Variants in FNDC3B observed in about 807,000 individuals in gnomAD.
The protein encoded by FNDC3B is fibronectin type III domain-containing protein 3B.
In FNDC3B, 12 loss-of-function variants were observed where a neutral mutation model predicts 151.5. That is an observed-to-expected ratio of 0.08 (90% CI 0.05 to 0.13). The LOEUF (loss-of-function observed/expected upper bound fraction) is 0.13, where lower values mean the gene tolerates loss of function less well. Among genes scored for constraint, FNDC3B ranks in the 10% least tolerant of loss-of-function variants. FNDC3B has a pLI of 1.00. For missense variants in FNDC3B, 1,214 were observed against 1,505.3 expected, an observed-to-expected ratio of 0.81 and a Z score of 3.20; for synonymous variants, 528 against 549.0, an observed-to-expected ratio of 0.96 and a Z score of 0.54.
In FNDC3B at chr3:172,251,393, C is replaced by T; in HGVS notation, c.642C>T (p.Tyr214=). 1 of 1,614,088 alleles carries T rather than the reference C, an allele frequency of 6.2e-7. No individual in the cohort carries two copies. The highest frequency in any genetic ancestry group is 8.5e-7 in the Non-Finnish European group (1 of 1,180,006). Residue 214 remains tyrosine, a synonymous_variant, in exon 6 of 26, where the codon TAC becomes TAT. Coordinates refer to ENST00000415807, the MANE Select transcript of FNDC3B (RefSeq NM_022763.4). ...TCAACAGCCCTCCTTCTTCTATCTA[C>T]AAAAGCAGCTGCACAACAGTATACA... is the stretch of plus-strand genomic sequence containing the variant. ...NRLNSPPSSI[Y]KSSCTTVYNG... is the part of the protein sequence containing the mutation.
intron 11 of FNDC3B, 127 bp downstream of exon 11, chr3:172,311,008 T>G (rs1731449538): frequency 1.4e-6 from 1 of 713,418 alleles, no homozygotes; most frequent in South Asian, 1.6e-5. Context: ...GTAGAGAAAT[T>G]TAAATCAATA....
intron 17 of FNDC3B, among the ~76,000 whole-genome samples, chr3:172,342,085 A>G (rs1291236077): frequency 6.6e-6 from 1 of 152,224 alleles, no homozygotes; most frequent in African/African-American, 2.4e-5. Context: ...TTGACTTTTC[A>G]AGAGAATACC....
chr3:172,334,719 G>A (rs1467829043), intron 14 of FNDC3B, among the ~76,000 whole-genome samples: 3 of 152,236 alleles, frequency 2.0e-5, no homozygotes, highest in Non-Finnish European at 2.9e-5. Context: ...TAGGATTACA[G>A]GCGTGAGCCA....
chr3:172,353,136 A>C, intron 22 of FNDC3B, 53 bp downstream of exon 22: 2 of 1,543,938 alleles, frequency 1.3e-6, no homozygotes, highest in Admixed American at 3.5e-5. Context: ...TTGGGGATCT[A>C]AGTAAACCTC....
rs190777580 is a variant in FNDC3B, at chr3:172,399,855, A to G, written c.*2380A>G. On this transcript the variant is annotated 3_prime_UTR_variant, in exon 26 of 26. Coordinates refer to ENST00000415807, the MANE Select transcript of FNDC3B (RefSeq NM_022763.4). Reference sequence around the variant, plus strand: ...GGTTGAATTTTTTTTTTAAGTAAATAGTACTTTAGGCCAAAATTTATATGA... The same window carrying G: ...GGTTGAATTTTTTTTTTAAGTAAATGGTACTTTAGGCCAAAATTTATATGA... 10 of 152,646 alleles carry G rather than the reference A, an allele frequency of 6.6e-5. No homozygotes were observed. The highest frequency in any genetic ancestry group is 5.9e-4 in the Admixed American group (9 of 15,292). The allele number at this position is 152,646 out of a possible 1,614,324, so 9.5% of individuals were successfully genotyped here. A position where few individuals can be genotyped will look rare whatever the true frequency, so the allele number is the denominator to read the frequency against.
intron 4 of FNDC3B, among the ~76,000 whole-genome samples, chr3:172,246,568 G>C (rs1237343574): frequency 6.6e-6 from 1 of 152,184 alleles, no homozygotes; most frequent in Admixed American, 6.5e-5. Flanking sequence ...TGCTGCCTTC[G>C]TTGCTCTACT....
chr3:172,096,807 T>C (rs1719110961), intron 1 of FNDC3B, among the ~76,000 whole-genome samples: 1 of 152,112 alleles, frequency 6.6e-6, no homozygotes, highest in Non-Finnish European at 1.5e-5. Flanking sequence ...AGAGTGAACA[T>C]GTATTATACG....
At chr3:172,247,819 T>A (rs757756291) in intron 5 of FNDC3B, 43 bp downstream of exon 5, 3 of 1,605,672 alleles carry the variant, frequency 1.9e-6, no homozygotes, top group Admixed American at 3.3e-5. Flanking sequence ...TGAAACTGAT[T>A]ACAGCGTTTC....
intron 11 of FNDC3B, chr3:172,321,743 ATTAT>A (rs1295112438): frequency 5.1e-6 from 1 of 197,346 alleles, no homozygotes; most frequent in Non-Finnish European, 9.9e-6. Context: ...TTTTATGTTT[ATTAT>A]TTATTTATTT....
At chr3:172,394,221 T>C (rs1173478300) in intron 25 of FNDC3B, among the ~76,000 whole-genome samples, 1 of 148,802 alleles carries the variant, frequency 6.7e-6, no homozygotes, top group Non-Finnish European at 1.5e-5. Flanking sequence ...CAACGTAACA[T>C]TATACCTCAC....
chr3:172,074,464 A>G (rs1445410093), intron 1 of FNDC3B, among the ~76,000 whole-genome samples: 1 of 152,204 alleles, frequency 6.6e-6, no homozygotes, highest in Admixed American at 6.5e-5. Context: ...ACTTAAAGAC[A>G]TCAGATTAGT....
chr3:172,359,408 A>T (rs888426988), intron 22 of FNDC3B, among the ~76,000 whole-genome samples: 4 of 152,206 alleles, frequency 2.6e-5, no homozygotes, highest in Non-Finnish European at 4.4e-5. Flanking sequence ...GAGCCAGCAG[A>T]TGGCAGAAAG....
At chr3:172,089,977 C>T (rs1195468111) in intron 1 of FNDC3B, among the ~76,000 whole-genome samples, 1 of 152,152 alleles carries the variant, frequency 6.6e-6, no homozygotes, top group Non-Finnish European at 1.5e-5. Context: ...TGATATCTGT[C>T]AGTTGTGATG....
At chr3:172,334,803 T>C in intron 14 of FNDC3B, 141 bp from the exon 15 acceptor site, 1 of 686,694 alleles carries the variant, frequency 1.5e-6, no homozygotes, top group Non-Finnish European at 2.5e-6. Context: ...TAAATACTGT[T>C]AATACTTGAG....
intron 2 of FNDC3B, among the ~76,000 whole-genome samples, chr3:172,123,392 A>AGTTGATAAT (rs1553763685): frequency 1.3e-5 from 2 of 149,136 alleles, no homozygotes; most frequent in Non-Finnish European, 3.0e-5. Flanking sequence ...GAAGTTGATA[A>AGTTGATAAT]TTTTTTTTTT....
chr3:172,203,877 A>G (rs1055051020), intron 3 of FNDC3B, among the ~76,000 whole-genome samples: 1 of 152,190 alleles, frequency 6.6e-6, no homozygotes, highest in African/African-American at 2.4e-5. Context: ...TGTGATTGTG[A>G]ATAGACAGAC....
chr3:172,123,769 T>C (rs1403115884), intron 2 of FNDC3B, among the ~76,000 whole-genome samples: 1 of 152,236 alleles, frequency 6.6e-6, no homozygotes, highest in Non-Finnish European at 1.5e-5. Context: ...ATAATTTACT[T>C]GATGGCTTTA....
At chr3:172,339,329 G>A (rs543628302) in intron 16 of FNDC3B, among the ~76,000 whole-genome samples, 12 of 152,160 alleles carry the variant, frequency 7.9e-5, no homozygotes, top group African/African-American at 2.4e-4. Context: ...TTTAGGAGGC[G>A]AGATGGGTGG....
At chr3:172,218,331 A>C (rs4998217) in intron 3 of FNDC3B, among the ~76,000 whole-genome samples, 133,590 of 151,878 alleles carry the variant, frequency 0.88, 59,035 homozygotes, top group African/African-American at 0.94. Context: ...TTACCTTGTT[A>C]TTTTTATTTT....
Sources: allele counts gnomAD v4.1 joint callset (sites outside exome capture counted in the v4.1 genomes callset), GRCh38; gene constraint gnomAD v4.1.1; transcripts MANE v1.5; gene names NCBI Gene and HGNC (gene_info 2026-07-23, HGNC 2026-07-21).